TBC1D8B: variants seen among roughly 807,000 people sequenced by gnomAD.
TBC1D8B encodes the protein TBC1 domain family member 8B.
TBC1D8B carries 75 observed loss-of-function variants against 82.9 expected under a neutral mutation model. That is an observed-to-expected ratio of 0.90 (90% CI 0.75 to 1.10). The LOEUF (loss-of-function observed/expected upper bound fraction) is 1.10. Among genes scored for constraint, TBC1D8B ranks in the 50% least tolerant of loss-of-function variants. The pLI is 0.00. For missense variants in TBC1D8B, 794 were observed against 796.9 expected, an observed-to-expected ratio of 1.00 and a Z score of 0.04; for synonymous variants, 276 against 276.8, an observed-to-expected ratio of 1.00 and a Z score of 0.03.
intron 14 of TBC1D8B, among the ~76,000 whole-genome samples, chrX:106,860,000 T>A (rs1304983890): frequency 8.9e-6 from 1 of 111,901 alleles, no homozygotes; most frequent in Non-Finnish European, 1.9e-5. Context: ...CATTAATTGA[T>A]TTGTGTATGT....
intron 6 of TBC1D8B, 34 bp from the exon 7 acceptor site, chrX:106,827,136 A>G: frequency 8.4e-7 from 1 of 1,187,684 alleles, no homozygotes; most frequent in Non-Finnish European, 1.1e-6. Flanking sequence ...AATAAAGGAA[A>G]ATTTAATTGA....
At chrX:106,860,340 GGTGTGTGTGTGTGTGTGTGT>G (rs3078333) in intron 14 of TBC1D8B, among the ~76,000 whole-genome samples, 1 of 82,787 alleles carries the variant, frequency 1.2e-5, no homozygotes, top group Non-Finnish European at 2.4e-5. Context: ...TTTTATGATT[GGTGTGTGTGTGTGTGTGTGT>G]GTGTGTGTGT....
chrX:106,813,098 T>G (rs895763204), intron 1 of TBC1D8B, among the ~76,000 whole-genome samples: 1 of 111,888 alleles, frequency 8.9e-6, no homozygotes, highest in African/African-American at 3.2e-5. Flanking sequence ...CCTCAGGTGA[T>G]TCACCCGCCT....
intron 7 of TBC1D8B, among the ~76,000 whole-genome samples, chrX:106,833,556 C>G (rs1014948545): frequency 8.9e-6 from 1 of 112,123 alleles, no homozygotes; most frequent in Admixed American, 9.5e-5. Flanking sequence ...AAACATTAAA[C>G]TACCATCTTT....
Position 106,850,094 on chromosome X carries a change from T to G in TBC1D8B, c.1907T>G (p.Met636Arg), listed in dbSNP as rs1223603011. 8.3e-7 allele frequency: 1 copy of G among 1,211,235 alleles called. No homozygotes were observed. The highest frequency in any genetic ancestry group is 2.2e-5 in the Admixed American group (1 of 46,030). Residue 636 changes from methionine (M) to arginine (R), a missense_variant, in exon 12 of 21, where the codon ATG (methionine) becomes AGG (arginine). Transcript: ENST00000357242. The part of the protein sequence containing the change: ...RDHLPQLTEH[M>R]TDMTFFSSVS... ...CACCTTCCTCAGCTGACAGAACACA[T>G]GACTGATATGACATTCTTTTCCTCA...
At chrX:106,816,803 CTCCTA>C (rs1221262541) in intron 1 of TBC1D8B, among the ~76,000 whole-genome samples, 2 of 111,032 alleles carry the variant, frequency 1.8e-5, no homozygotes, top group Non-Finnish European at 3.8e-5. Context: ...TGTATCTACT[CTCCTA>C]TCCTTTCCTT....
At position 106,875,203 on chromosome X, in the gene TBC1D8B, AATC is replaced by A. The variant is rs1932879205; in HGVS notation, c.*1241_*1243del. 1 of 111,732 alleles carries A rather than the reference AATC, an allele frequency of 8.9e-6. No homozygotes were observed. Among genetic ancestry groups the A allele is most frequent in the African/African-American group, 3.3e-5 (1 of 30,699 alleles). 9.2% of individuals were successfully genotyped at this position (111,732 alleles called of 1,213,427 possible). Reference sequence around the variant, plus strand: ...AATTGACTTAGAAAATAGGGGGAGAAATCATTCATTGGAGCTTCTTTCTTTAGA... The same window carrying A: ...AATTGACTTAGAAAATAGGGGGAGAAATTCATTGGAGCTTCTTTCTTTAGA... On this transcript the variant is annotated 3_prime_UTR_variant, in exon 21 of 21. Coordinates refer to ENST00000357242, the MANE Select transcript of TBC1D8B (RefSeq NM_017752.3).
chrX:106,811,428 G>C (rs1931369236), intron 1 of TBC1D8B, among the ~76,000 whole-genome samples: 1 of 111,315 alleles, frequency 9.0e-6, no homozygotes, highest in South Asian at 3.8e-4. Context: ...CGGAAGGCTG[G>C]GGTGGGTGGG....
intron 7 of TBC1D8B, chrX:106,829,435 A>C (rs1415810099): frequency 9.3e-6 from 1 of 107,392 alleles, no homozygotes; most frequent in East Asian, 2.9e-4. Context: ...CAGAATTGGA[A>C]AAAACTACTT....
intron 1 of TBC1D8B, among the ~76,000 whole-genome samples, chrX:106,811,621 G>C (rs778211770): frequency 9.0e-4 from 101 of 111,704 alleles, no homozygotes; most frequent in Non-Finnish European, 1.5e-3. Flanking sequence ...AAAATGATGG[G>C]CCTGGTTTAG....
chrX:106,820,666 T>G (rs1931670414), intron 2 of TBC1D8B, among the ~76,000 whole-genome samples: 1 of 111,885 alleles, frequency 8.9e-6, no homozygotes, highest in African/African-American at 3.2e-5. Flanking sequence ...CCCCTTTCAT[T>G]AAATGTTTTG....
chrX:106,866,820 A>G lies in TBC1D8B; in HGVS notation c.2686A>G (p.Thr896Ala). ...AGACATAATGTACAATGGAAGTTTT[A>G]CTGAGAAGCTTAAGCTGCTTTTTAA... ...AIDIMYNGSF[T>A]EKLKLLFKLH... Residue 896 changes from threonine to alanine, a missense_variant, in exon 17 of 21, where the codon ACT becomes GCT. Transcript: ENST00000357242. 1 of 1,186,320 alleles carries G rather than the reference A, an allele frequency of 8.4e-7. No homozygotes were observed. Among genetic ancestry groups the G allele is most frequent in the Non-Finnish European group, 1.1e-6 (1 of 881,046 alleles).
At position 106,862,776 on chromosome X, in the gene TBC1D8B, G is replaced by GT. The variant is rs1181091591; in HGVS notation, c.2353-2757dup. Among the ~76,000 whole-genome samples the GT allele has an allele frequency of 6.7e-3, 248 of 37,261 alleles. 1 individual carries two copies. Among genetic ancestry groups the GT allele is most frequent in the South Asian group, 9.3e-3 (4 of 428 alleles). The allele number at this position is 37,261 out of a possible 115,157, so 32.4% of individuals were successfully genotyped here. A position where few individuals can be genotyped will look rare whatever the true frequency, so the allele number is the denominator to read the frequency against. On this transcript the variant is annotated intron_variant, in intron 14 of 20. Transcript: ENST00000357242. ...TTTTCCTTTGGATGGGTTTTTTTTT[G>GT]TTTTTTTTTTTTTTTTTTTTTTTTT...
In TBC1D8B at chrX:106,802,860, C is replaced by A. The variant is rs759102989; in HGVS notation, c.7C>A (p.Leu3Met). 2 of 1,208,848 alleles carry A rather than the reference C, an allele frequency of 1.7e-6. No homozygotes were observed. The highest frequency in any genetic ancestry group is 3.5e-5 in the African/African-American group (2 of 56,911). The change falls in exon 1 of 21, where the codon CTG becomes ATG. Residue 3 changes from leucine to methionine, a missense_variant. Leu to Met is a conservative substitution (Grantham distance 15). Coordinates refer to ENST00000357242, the MANE Select transcript of TBC1D8B (RefSeq NM_017752.3). ...GGGGGGCACAAAGTTCGCGATGTGG[C>A]TGAAGCCTGAGGAAGTGCTTCTGAA... MW[L>M]KPEEVLLKNA... is the part of the protein sequence containing the mutation.
intron 1 of TBC1D8B, among the ~76,000 whole-genome samples, chrX:106,804,926 C>T (rs950054620): frequency 9.1e-6 from 1 of 110,274 alleles, no homozygotes; most frequent in Admixed American, 9.7e-5. Flanking sequence ...TTTATAGTCC[C>T]GTGTTACAGC....
chrX:106,871,762 T>C (rs1054799213), intron 20 of TBC1D8B, among the ~76,000 whole-genome samples: 1 of 112,345 alleles, frequency 8.9e-6, no homozygotes, highest in Non-Finnish European at 1.9e-5. Flanking sequence ...TATCCCTTCT[T>C]TGAGTTCGAT....
intron 7 of TBC1D8B, among the ~76,000 whole-genome samples, chrX:106,837,831 T>G (rs1489832396): frequency 2.7e-5 from 3 of 111,966 alleles, no homozygotes; most frequent in African/African-American, 6.5e-5. Context: ...TTGTAAAAAT[T>G]TATCACATTC....
chrX:106,839,465 A>C lies in TBC1D8B; in HGVS notation c.1353+8A>C, dbSNP rs199699956. On this transcript the variant is annotated splice_region_variant and intron_variant, in intron 8 of 20. Transcript: ENST00000357242. ...ACTCTTAATTCTAAAATGGTAGGAA[A>C]ACAAAATATTTAAACCTATGGGCTG... The C allele has an allele frequency of 3.4e-5, 39 of 1,136,266 alleles. No individual in the cohort carries two copies. The highest frequency in any genetic ancestry group is 3.4e-5 in the Non-Finnish European group (29 of 857,521). 93.6% of individuals were successfully genotyped at this position (1,136,266 alleles called of 1,213,427 possible). A position where few individuals can be genotyped will look rare whatever the true frequency, so the allele number is the denominator to read the frequency against.
intron 10 of TBC1D8B, among the ~76,000 whole-genome samples, chrX:106,842,451 G>C (rs1044555566): frequency 9.0e-6 from 1 of 110,913 alleles, no homozygotes; most frequent in African/African-American, 3.3e-5. Flanking sequence ...AGATTGGCTA[G>C]GTTCACATTG....
Sources: allele counts gnomAD v4.1 joint callset (sites outside exome capture counted in the v4.1 genomes callset), GRCh38; gene constraint gnomAD v4.1.1; transcripts MANE v1.5; gene names NCBI Gene and HGNC (gene_info 2026-07-23, HGNC 2026-07-21).